Variants in ABCG5 observed in about 807,000 individuals in gnomAD.
The protein encoded by ABCG5 is ATP binding cassette subfamily G member 5.
ABCG5 carries 64 observed loss-of-function variants against 64.5 expected under a neutral mutation model. The ratio of observed to expected loss-of-function variants is 0.99; its 90% CI spans 0.81 to 1.22. ABCG5 has a LOEUF of 1.22. Among genes scored for constraint, ABCG5 ranks in the 50% most tolerant of loss-of-function variants. ABCG5 has a pLI of 0.00. For missense variants in ABCG5, 908 were observed against 829.5 expected, an observed-to-expected ratio of 1.09 and a Z score of -1.16; for synonymous variants, 385 against 326.3, an observed-to-expected ratio of 1.18 and a Z score of -1.94.
Position 43,837,869 on chromosome 2 carries a change from T to A in ABCG5, c.230A>T (p.Glu77Val). ...TAGGATGCACATGATCTGCCCGCTC[T>A]CCACGTACAAGGAGACATCTTTGAG... ...QILKDVSLYV[E>V]SGQIMCILGS... The change falls in exon 2 of 13, where the codon GAG (glutamate) becomes GTG (valine). Residue 77 changes from glutamate (E) to valine (V), a missense_variant. Coordinates refer to ENST00000405322, the MANE Select transcript of ABCG5 (RefSeq NM_022436.3). 6.2e-7 allele frequency: 1 copy of A among 1,614,126 alleles called. No homozygotes were observed. The highest frequency in any genetic ancestry group is 8.5e-7 in the Non-Finnish European group (1 of 1,179,992).
rs185724014 is a variant in ABCG5, at chr2:43,825,602, T to C, written c.775-584A>G. Among the ~76,000 whole-genome samples, 16 of 150,592 alleles carry C rather than the reference T, an allele frequency of 1.1e-4. No homozygotes were observed. In the East Asian group the frequency reaches 2.3e-3, roughly 22 times the overall value. ...CTTGGCTTAATTTGTTGTTGTTTTG[T>C]TGTTATTGTTGTTGTTGTTGTTGTT... On this transcript the variant is annotated intron_variant, in intron 6 of 12. Coordinates refer to ENST00000405322, the MANE Select transcript of ABCG5 (RefSeq NM_022436.3).
downstream of ABCG5, among the ~76,000 whole-genome samples, chr2:43,807,598 C>G (rs983935847): frequency 2.0e-5 from 3 of 151,906 alleles, no homozygotes; most frequent in Admixed American, 6.6e-5. Context: ...CATCACCATG[C>G]CCGGGTAATT....
intron 11 of ABCG5, among the ~76,000 whole-genome samples, chr2:43,818,238 G>C (rs1227347782): frequency 6.6e-6 from 1 of 152,082 alleles, no homozygotes; most frequent in Non-Finnish European, 1.5e-5. Flanking sequence ...AATCACTTGA[G>C]GTCGAGACTA....
At chr2:43,809,126 C>T (rs942512308), downstream of ABCG5, among the ~76,000 whole-genome samples, 1 of 151,976 alleles carries the variant, frequency 6.6e-6, no homozygotes, top group African/African-American at 2.4e-5. Context: ...GTAGCTGGGA[C>T]CACAGCGCAC....
upstream of ABCG5, chr2:43,839,156 G>C (rs148770185): frequency 1.3e-6 from 2 of 1,545,600 alleles, no homozygotes; most frequent in Non-Finnish European, 1.8e-6. Flanking sequence ...CCTGGTGGGC[G>C]GGTAGGAGAA....
At chr2:43,821,877 C>T (rs902015820) in intron 10 of ABCG5, among the ~76,000 whole-genome samples, 28 of 151,784 alleles carry the variant, frequency 1.8e-4, no homozygotes, top group African/African-American at 6.8e-4. Flanking sequence ...TCTCTCTCTC[C>T]CCCTCTCTTC....
At position 43,837,876 on chromosome 2, in the gene ABCG5, A is replaced by C. The variant is rs1282693864; in HGVS notation, c.223T>G (p.Tyr75Asp). Residue 75 changes from tyrosine to aspartate, a missense_variant, in exon 2 of 13, where the codon TAC becomes GAC. Coordinates refer to ENST00000405322, the MANE Select transcript of ABCG5 (RefSeq NM_022436.3). ...TRQILKDVSL[Y>D]VESGQIMCIL... is the part of the protein sequence containing the mutation. Reference sequence around the variant, plus strand: ...CACATGATCTGCCCGCTCTCCACGTACAAGGAGACATCTTTGAGGATCTGC... The same window carrying C: ...CACATGATCTGCCCGCTCTCCACGTCCAAGGAGACATCTTTGAGGATCTGC... The C allele has an allele frequency of 3.7e-6, 6 of 1,614,110 alleles. No individual in the cohort carries two copies. Among genetic ancestry groups the C allele is most frequent in the Non-Finnish European group, 5.1e-6 (6 of 1,179,980 alleles).
chr2:43,825,974 G>C lies in ABCG5; in HGVS notation c.774+408C>G, dbSNP rs12987875. 9.7e-3 allele frequency among the ~76,000 whole-genome samples: 1,451 copies of C among 149,758 alleles called. 14 individuals carry two copies. Among genetic ancestry groups the C allele is most frequent in the Non-Finnish European group, 0.014 (946 of 67,340 alleles). Reference sequence around the variant, plus strand: ...TTGGCTCCAATTCTCTAGCACTAACGGTTTTTTGTTTGTTTGTTTGAGATG... The same window carrying C: ...TTGGCTCCAATTCTCTAGCACTAACCGTTTTTTGTTTGTTTGTTTGAGATG... On this transcript the variant is annotated intron_variant, in intron 6 of 12. Transcript: ENST00000405322.
At chr2:43,811,975 C>T (rs938873677), downstream of ABCG5, among the ~76,000 whole-genome samples, 3 of 152,166 alleles carry the variant, frequency 2.0e-5, no homozygotes, top group African/African-American at 7.2e-5. Context: ...TACATATCAG[C>T]ACCCTTTACA....
downstream of ABCG5, among the ~76,000 whole-genome samples, chr2:43,808,296 C>A (rs1237134594): frequency 6.6e-6 from 1 of 151,138 alleles, no homozygotes; most frequent in Admixed American, 6.6e-5. Flanking sequence ...AAAATTCTTC[C>A]TAAGTCTATA....
chr2:43,831,954 A>G lies in ABCG5; in HGVS notation c.395T>C (p.Val132Ala). The change falls in exon 3 of 13, where the codon GTC becomes GCC. Residue 132 changes from valine to alanine, a missense_variant. By Grantham distance (64) the Val-to-Ala change is moderately conservative (BLOSUM62 0). Transcript: ENST00000405322. ...TGTGGGGGACGCGCCCACCTGCAGG[A>G]CGTAGGAGAAGCAGTCCTGGAACTG... ...REQFQDCFSYVLQSDTLLSSL... is the reference protein window; with the variant it reads ...REQFQDCFSYALQSDTLLSSL... 3 of 1,549,928 alleles carry G rather than the reference A, an allele frequency of 1.9e-6. No individual in the cohort carries two copies. Among genetic ancestry groups the G allele is most frequent in the Non-Finnish European group, 2.6e-6 (3 of 1,146,990 alleles).
chr2:43,827,970 G>C lies in ABCG5; in HGVS notation c.634+13C>G. On this transcript the variant is annotated intron_variant, in intron 5 of 12. Transcript: ENST00000405322. ...CCAGACAGCAGCTAGTAACAGTTCT[G>C]GGTGCCACTTACTAGGATCCTGGAG... 2 of 1,613,754 alleles carry C rather than the reference G, an allele frequency of 1.2e-6. No individual in the cohort carries two copies. The highest frequency in any genetic ancestry group is 1.7e-6 in the Non-Finnish European group (2 of 1,179,972).
intron 10 of ABCG5, chr2:43,822,400 G>C (rs773654459): frequency 8.6e-6 from 4 of 465,032 alleles, no homozygotes; most frequent in Non-Finnish European, 5.6e-6. Flanking sequence ...CTCCTCTGTT[G>C]GTTGCTGTCC....
At chr2:43,824,491 G>C (rs1467422475) in intron 7 of ABCG5, 59 bp from the exon 8 acceptor site, 1 of 1,598,352 alleles carries the variant, frequency 6.3e-7, no homozygotes, top group Non-Finnish European at 8.5e-7. Flanking sequence ...TATGTACATG[G>C]ATATACAATT....
At chr2:43,824,743 C>T (rs757731185) in intron 7 of ABCG5, 146 bp downstream of exon 7, 9 of 1,448,312 alleles carry the variant, frequency 6.2e-6, no homozygotes, top group Non-Finnish European at 8.4e-6. Flanking sequence ...AGTTCATTGA[C>T]CCGGCCAAAT....
downstream of ABCG5, among the ~76,000 whole-genome samples, chr2:43,812,137 G>A (rs4952685): frequency 0.24 from 36,440 of 151,694 alleles, 5,269 homozygotes; most frequent in African/African-American, 0.4. Flanking sequence ...TGCAGCCCCT[G>A]CCTCCTAGGT....
chr2:43,815,878 G>C (rs906851580), intron 11 of ABCG5, among the ~76,000 whole-genome samples: 3 of 145,030 alleles, frequency 2.1e-5, no homozygotes, highest in Admixed American at 7.1e-5. Context: ...AAGAAGGATG[G>C]CTAGAATGAG....
chr2:43,815,285 T>C (rs957863814), intron 11 of ABCG5, among the ~76,000 whole-genome samples: 1 of 152,216 alleles, frequency 6.6e-6, no homozygotes, highest in African/African-American at 2.4e-5. Flanking sequence ...TTTCTGTCAA[T>C]CAAAAGGTAT....
At chr2:43,822,544 G>A (rs774626935) in intron 10 of ABCG5, 99 of 981,882 alleles carry the variant, frequency 1.0e-4, no homozygotes, top group South Asian at 7.6e-4. Context: ...AGGCCCTGCC[G>A]TGAATGTGGG....
Sources: gnomAD v4.1 joint callset for allele counts (sites outside exome capture counted in the v4.1 genomes callset) on GRCh38, gnomAD v4.1.1 for gene constraint, MANE v1.5 for transcripts, NCBI Gene and HGNC (gene_info 2026-07-23, HGNC 2026-07-21) for gene names.